The following DCC variants were observed in gnomAD, a reference collection of about 807,000 sequenced individuals.
The protein encoded by DCC is DCC netrin 1 receptor, also known as netrin receptor DCC.
In DCC, 58 loss-of-function variants were observed where a neutral mutation model predicts 172.5. The observed-to-expected ratio is 0.34, with a 90% confidence interval of 0.27 to 0.42. The LOEUF (loss-of-function observed/expected upper bound fraction) is 0.42, where lower values mean the gene tolerates loss of function less well. Among genes scored for constraint, DCC ranks in the 10% least tolerant of loss-of-function variants. The probability of loss-of-function intolerance (pLI) is 1.00; values close to 1 mark genes in which losing one functional copy is unlikely to be tolerated. For missense variants in DCC, 1,740 were observed against 1,791.0 expected, an observed-to-expected ratio of 0.97 and a Z score of 0.51; for synonymous variants, 709 against 644.5, an observed-to-expected ratio of 1.10 and a Z score of -1.52.
At chr18:52,885,059 C>G (rs1243956167) in intron 2 of DCC, among the ~76,000 whole-genome samples, 3 of 152,132 alleles carry the variant, frequency 2.0e-5, no homozygotes, top group Non-Finnish European at 2.9e-5. Context: ...TGGGGGCACA[C>G]AAGCACTCCT....
At chr18:52,499,808 T>C (rs1010834042) in intron 1 of DCC, among the ~76,000 whole-genome samples, 1 of 152,152 alleles carries the variant, frequency 6.6e-6, no homozygotes, top group Non-Finnish European at 1.5e-5. Flanking sequence ...GCTGTGGAAA[T>C]GTTTGCACTA....
At chr18:52,394,704 T>G (rs1309425758) in intron 1 of DCC, among the ~76,000 whole-genome samples, 1 of 152,068 alleles carries the variant, frequency 6.6e-6, no homozygotes, top group African/African-American at 2.4e-5. Context: ...ATCCTAATAA[T>G]GAACACCTGT....
chr18:52,602,996 G>T (rs188352233), intron 1 of DCC, among the ~76,000 whole-genome samples: 98 of 152,162 alleles, frequency 6.4e-4, no homozygotes, highest in African/African-American at 2.3e-3. Flanking sequence ...ACACATTTAT[G>T]TTGACAAGAA....
chr18:52,449,898 C>T (rs1988248273), intron 1 of DCC, among the ~76,000 whole-genome samples: 3 of 152,156 alleles, frequency 2.0e-5, no homozygotes. Flanking sequence ...GATTGTGAGG[C>T]CTCCCCAGCA....
chr18:53,038,862 G>A (rs536088378), intron 5 of DCC, among the ~76,000 whole-genome samples: 1 of 151,842 alleles, frequency 6.6e-6, no homozygotes, highest in African/African-American at 2.4e-5. Flanking sequence ...GTCAATTGGT[G>A]AAGCCAGGAC....
chr18:53,040,227 G>T (rs1170169621), intron 5 of DCC, among the ~76,000 whole-genome samples: 3 of 151,936 alleles, frequency 2.0e-5, no homozygotes, highest in Non-Finnish European at 4.4e-5. Flanking sequence ...TATGTGCTAG[G>T]CACTGTGCTA....
intron 5 of DCC, among the ~76,000 whole-genome samples, chr18:53,025,426 AGGGTTTGT>A (rs2041942055): frequency 6.6e-6 from 1 of 152,132 alleles, no homozygotes; most frequent in African/African-American, 2.4e-5. Flanking sequence ...TGTTTGCCTT[AGGGTTTGT>A]ACCTTGGCCC....
chr18:52,397,812 A>T (rs1438972262), intron 1 of DCC, among the ~76,000 whole-genome samples: 1 of 151,962 alleles, frequency 6.6e-6, no homozygotes, highest in Non-Finnish European at 1.5e-5. Context: ...AAGCCTCTCC[A>T]TCTGTATTTG....
chr18:53,027,611 C>A (rs1384732158), intron 5 of DCC, among the ~76,000 whole-genome samples: 1 of 152,092 alleles, frequency 6.6e-6, no homozygotes, highest in African/African-American at 2.4e-5. Flanking sequence ...TTCGGTATGT[C>A]CATACTTGGA....
chr18:52,989,906 T>A (rs551095044), intron 5 of DCC, among the ~76,000 whole-genome samples: 37 of 152,240 alleles, frequency 2.4e-4, no homozygotes, highest in African/African-American at 7.9e-4. Context: ...GTCCACTCAC[T>A]GCACAGGTAG....
At chr18:52,489,264 G>C (rs536502712) in intron 1 of DCC, among the ~76,000 whole-genome samples, 34 of 152,138 alleles carry the variant, frequency 2.2e-4, no homozygotes, top group Admixed American at 1.2e-3. Context: ...TATAGATTTA[G>C]ATTCCTACCA....
At chr18:52,974,517 A>C (rs4940232) in intron 5 of DCC, among the ~76,000 whole-genome samples, 117,158 of 152,052 alleles carry the variant, frequency 0.77, 45,710 homozygotes, top group African/African-American at 0.89. Context: ...ACAAGTGCTG[A>C]TAAAATGAAT....
intron 26 of DCC, among the ~76,000 whole-genome samples, chr18:53,498,285 A>C (rs1222271300): frequency 6.6e-6 from 1 of 152,202 alleles, no homozygotes; most frequent in Non-Finnish European, 1.5e-5. Context: ...ATTATCTTGA[A>C]ATATTTCCTG....
At chr18:52,925,468 A>G (rs1009152005) in intron 5 of DCC, 98 bp downstream of exon 5, 3 of 1,318,964 alleles carry the variant, frequency 2.3e-6, no homozygotes, top group Non-Finnish European at 3.3e-6. Context: ...TATGTTTATT[A>G]GTGTGAAATT....
chr18:53,402,713 T>C lies in DCC; in HGVS notation c.2828-73T>C, dbSNP rs946612276. On this transcript the variant is annotated intron_variant, in intron 18 of 28. Coordinates refer to ENST00000442544, the MANE Select transcript of DCC (RefSeq NM_005215.4). ...TGATAGATTCTGAATGTCAACATCA[T>C]GATGAAATTTCCAACAATGTTTATT... 3 of 1,065,840 alleles carry C rather than the reference T, an allele frequency of 2.8e-6. No individual in the cohort carries two copies. In the East Asian group the frequency reaches 7.2e-5, roughly 25 times the overall value. The allele number at this position is 1,065,840 out of a possible 1,614,324, so 66.0% of individuals were successfully genotyped here.
chr18:52,362,552 G>T (rs1263722758), intron 1 of DCC, among the ~76,000 whole-genome samples: 1 of 152,112 alleles, frequency 6.6e-6, no homozygotes, highest in Non-Finnish European at 1.5e-5. Flanking sequence ...TGCTATAATA[G>T]ATTTTATCTT....
At chr18:52,986,806 G>GTA (rs569680796) in intron 5 of DCC, among the ~76,000 whole-genome samples, 2 of 148,900 alleles carry the variant, frequency 1.3e-5, no homozygotes, top group African/African-American at 5.0e-5. Flanking sequence ...CACACGTGTA[G>GTA]TATATATATA....
At chr18:53,425,267 C>T (rs1910846859) in intron 21 of DCC, among the ~76,000 whole-genome samples, 1 of 151,358 alleles carries the variant, frequency 6.6e-6, no homozygotes, top group Non-Finnish European at 1.5e-5. Context: ...CATCTCAAGT[C>T]ATACATACCT....
At chr18:53,281,713 A>T (rs12957519) in intron 12 of DCC, among the ~76,000 whole-genome samples, 67,496 of 150,726 alleles carry the variant, frequency 0.45, 15,800 homozygotes, top group Non-Finnish European at 0.53. Context: ...CAATTGGCCT[A>T]GGTGGAAGTA....
Sources: gnomAD v4.1 joint callset for allele counts (sites outside exome capture counted in the v4.1 genomes callset) on GRCh38, gnomAD v4.1.1 for gene constraint, MANE v1.5 for transcripts, NCBI Gene and HGNC (gene_info 2026-07-23, HGNC 2026-07-21) for gene names.